Variants in ADA2 observed in about 807,000 individuals in gnomAD.
ADA2 encodes adenosine deaminase CECR1.
ADA2 carries 29 observed loss-of-function variants against 44.2 expected under a neutral mutation model. The ratio of observed to expected loss-of-function variants is 0.66; its 90% CI spans 0.49 to 0.89. The LOEUF is 0.89. Ranked by LOEUF, ADA2 falls within the 40% of genes least tolerant of loss-of-function variation. The pLI, the probability that ADA2 is intolerant of heterozygous loss-of-function variation, is 0.00. For missense variants in ADA2, 637 were observed against 644.8 expected (o/e 0.99, Z 0.13); for synonymous variants, 215 against 234.9 (o/e 0.92, Z 0.77).
At chr22:17,200,576 C>A (rs1159332417) in intron 4 of ADA2, among the ~76,000 whole-genome samples, 1 of 152,092 alleles carries the variant, frequency 6.6e-6, no homozygotes, top group Non-Finnish European at 1.5e-5. Flanking sequence ...AGCCTTGCCG[C>A]TAAACTCACC....
Position 17,181,221 on chromosome 22 carries a change from C to T in ADA2, c.*262G>A, listed in dbSNP as rs561976973. The T allele has an allele frequency of 1.1e-3, 487 of 429,122 alleles. 9 individuals are homozygous for T. The South Asian group carries it at 0.012, about 11-fold the overall frequency. The allele number at this position is 429,122 out of a possible 1,614,324, so 26.6% of individuals were successfully genotyped here. The stretch of plus-strand genomic sequence containing the variant: ...AGTCCTGAGGAAACAGCACAGAGAT[C>T]AGAGAGAGGAGAAGACTCTGAAATA... On this transcript the variant is annotated 3_prime_UTR_variant, in exon 10 of 10. Coordinates refer to ENST00000399837, the MANE Select transcript of ADA2 (RefSeq NM_001282225.2).
intron 1 of ADA2, among the ~76,000 whole-genome samples, chr22:17,212,837 T>C (rs1468602634): frequency 1.3e-5 from 2 of 151,782 alleles, no homozygotes; most frequent in Admixed American, 1.3e-4. Flanking sequence ...TGGAATGCAG[T>C]AGCGTGAGTC....
intron 1 of ADA2, chr22:17,214,207 G>T: frequency 3.6e-6 from 2 of 551,824 alleles, no homozygotes; most frequent in Non-Finnish European, 6.8e-6. Flanking sequence ...AAAAGGCCAT[G>T]CTGGGGTTGT....
chr22:17,200,648 G>A (rs1370955708), intron 4 of ADA2, among the ~76,000 whole-genome samples: 7 of 151,944 alleles, frequency 4.6e-5, no homozygotes, highest in African/African-American at 7.3e-5. Flanking sequence ...TTGGGAGGCC[G>A]AGGTGGGTGG....
intron 1 of ADA2, 36 bp from the exon 2 acceptor site, chr22:17,209,759 T>C (rs896805050): frequency 1.6e-5 from 17 of 1,080,204 alleles, no homozygotes; most frequent in Admixed American, 5.0e-5. Flanking sequence ...AACCTACAGA[T>C]TTAAGGGTGG....
intron 1 of ADA2, among the ~76,000 whole-genome samples, chr22:17,216,768 A>AC (rs369110311): frequency 0.16 from 19,868 of 126,260 alleles, 1,632 homozygotes; most frequent in East Asian, 0.46. Flanking sequence ...CAAAAAAAAA[A>AC]AAAACACACA....
At chr22:17,207,391 T>C (rs991049797) in intron 2 of ADA2, 101 bp from the exon 3 acceptor site, 15 of 828,356 alleles carry the variant, frequency 1.8e-5, no homozygotes, top group Non-Finnish European at 2.9e-5. Context: ...ATCCCAGGAC[T>C]CTGGGGCTGT....
chr22:17,192,091 C>T (rs1256763451), intron 4 of ADA2, among the ~76,000 whole-genome samples: 2 of 152,144 alleles, frequency 1.3e-5, no homozygotes, highest in Non-Finnish European at 2.9e-5. Flanking sequence ...TTGGATTAGG[C>T]CAAGTGGCCT....
At position 17,203,571 on chromosome 22, in the gene ADA2, G is replaced by C; in HGVS notation, c.745C>G (p.Leu249Val). The change falls in exon 4 of 10, where the codon CTG (leucine) becomes GTG (valine). Residue 249 changes from leucine to valine, a missense_variant. Coordinates refer to ENST00000399837, the MANE Select transcript of ADA2 (RefSeq NM_001282225.2). Reference sequence around the variant, plus strand: ...AGGAGAGCTGGGCTCACCGGCAGCAGCCTGGCTCTGATCTCCATGTAGAGC... The same window carrying C: ...AGGAGAGCTGGGCTCACCGGCAGCACCCTGGCTCTGATCTCCATGTAGAGC... ...NVLYMEIRARLLPVYELSGEH... is the reference protein window; with the variant it reads ...NVLYMEIRARVLPVYELSGEH... The C allele has an allele frequency of 6.2e-7, 1 of 1,611,912 alleles. No individual in the cohort carries two copies. The highest frequency in any genetic ancestry group is 8.5e-7 in the Non-Finnish European group (1 of 1,179,494).
At position 17,182,670 on chromosome 22, in the gene ADA2, G is replaced by T; in HGVS notation, c.1173C>A (p.His391Gln). 1 of 1,614,100 alleles carries T rather than the reference G, an allele frequency of 6.2e-7. No homozygotes were observed. Among genetic ancestry groups the T allele is most frequent in the South Asian group, 1.1e-5 (1 of 91,074 alleles). The change falls in exon 8 of 10, where the codon CAC (histidine) becomes CAA (glutamine). Residue 391 changes from histidine (H) to glutamine (Q), a missense_variant. Transcript: ENST00000399837. ...TCCAGGAGTAAGTCCTGACTGCGGG[G>T]TGTTTGCTCAAAGCAAATCCATGGC... ...RIGHGFALSK[H>Q]PAVRTYSWKK...
chr22:17,199,432 C>CAA, intron 4 of ADA2: 1 of 1,026,974 alleles, frequency 9.7e-7, no homozygotes, highest in Non-Finnish European at 1.5e-6. Flanking sequence ...CTCCCCTCCT[C>CAA]TATCCTCTTC....
At chr22:17,187,928 C>A (rs9617965) in intron 7 of ADA2, among the ~76,000 whole-genome samples, 31,597 of 151,598 alleles carry the variant, frequency 0.21, 3,383 homozygotes, top group Middle Eastern at 0.32. Context: ...CACGGTGAAA[C>A]CCCGTCTCTA....
At chr22:17,215,946 T>A (rs1250377608) in intron 1 of ADA2, among the ~76,000 whole-genome samples, 1 of 151,566 alleles carries the variant, frequency 6.6e-6, no homozygotes, top group African/African-American at 2.4e-5. Flanking sequence ...ACAAAAAATT[T>A]AAAAATTATC....
At chr22:17,194,484 C>T (rs1601441106) in intron 4 of ADA2, among the ~76,000 whole-genome samples, 1 of 152,136 alleles carries the variant, frequency 6.6e-6, no homozygotes, top group Non-Finnish European at 1.5e-5. Context: ...GCTGCTCTCT[C>T]ATCTCCAGGG....
chr22:17,187,756 C>T (rs1234539958), intron 7 of ADA2, among the ~76,000 whole-genome samples: 1 of 151,516 alleles, frequency 6.6e-6, no homozygotes, highest in East Asian at 1.9e-4. Flanking sequence ...GTGTTTGGAG[C>T]CTTGGGCTCT....
At chr22:17,185,448 A>C (rs2062025754) in intron 7 of ADA2, among the ~76,000 whole-genome samples, 1 of 151,398 alleles carries the variant, frequency 6.6e-6, no homozygotes. Flanking sequence ...AAATAAAATA[A>C]AAAAATAAAA....
At chr22:17,216,317 A>G (rs1392583894) in intron 1 of ADA2, among the ~76,000 whole-genome samples, 1 of 151,994 alleles carries the variant, frequency 6.6e-6, no homozygotes, top group Non-Finnish European at 1.5e-5. Context: ...GTGAGCCATG[A>G]TGGTGCCATT....
chr22:17,202,848 ATCT>A (rs1228730367), intron 4 of ADA2, among the ~76,000 whole-genome samples: 1 of 148,306 alleles, frequency 6.7e-6, no homozygotes, highest in Non-Finnish European at 1.5e-5. Flanking sequence ...CAGTGGTGCG[ATCT>A]TGGCTCAGTG....
chr22:17,183,105 GAC>G (rs2061992378), intron 7 of ADA2, among the ~76,000 whole-genome samples: 2 of 152,116 alleles, frequency 1.3e-5, no homozygotes, highest in Admixed American at 1.3e-4. Flanking sequence ...TGTTTTTTGA[GAC>G]ACAGTCTTGC....
Sources: allele counts gnomAD v4.1 joint callset (sites outside exome capture counted in the v4.1 genomes callset), GRCh38; gene constraint gnomAD v4.1.1; transcripts MANE v1.5; gene names NCBI Gene and HGNC (gene_info 2026-07-23, HGNC 2026-07-21).